Variants in CIITA observed in about 807,000 individuals in gnomAD.
CIITA encodes the protein MHC class II transactivator.
A neutral mutation model predicts 115.1 loss-of-function variants in CIITA; 72 were observed. That is an observed-to-expected ratio of 0.63 (90% CI 0.52 to 0.76). The LOEUF is 0.76. Ranked by LOEUF, CIITA falls within the 30% of genes least tolerant of loss-of-function variation. CIITA has a pLI of 0.00. For missense variants in CIITA, 1,617 were observed against 1,463.8 expected (o/e 1.10, Z -1.71); for synonymous variants, 763 against 635.6 (o/e 1.20, Z -3.02).
chr16:10,915,507 C>G (rs773020219), intron 13 of CIITA, 63 bp from the exon 14 acceptor site: 4 of 1,331,148 alleles, frequency 3.0e-6, no homozygotes, highest in Non-Finnish European at 4.3e-6. Flanking sequence ...CTGCCCCACC[C>G]TGGGGCTGAA....
chr16:10,915,794 A>G (rs2039911416), intron 14 of CIITA, 144 bp downstream of exon 14: 5 of 773,244 alleles, frequency 6.5e-6, no homozygotes, highest in East Asian at 5.3e-5. Context: ...TGCATGCTAC[A>G]GTGCCCAGCA....
At chr16:10,880,557 C>T (rs540005799) in intron 1 of CIITA, among the ~76,000 whole-genome samples, 2 of 152,304 alleles carry the variant, frequency 1.3e-5, no homozygotes, top group African/African-American at 4.8e-5. Flanking sequence ...GAGAGCCCAG[C>T]CCAGTGCAGC....
chr16:10,882,618 C>T (rs759240696), intron 1 of CIITA, among the ~76,000 whole-genome samples: 15 of 151,968 alleles, frequency 9.9e-5, no homozygotes, highest in Non-Finnish European at 1.5e-4. Flanking sequence ...AGATTCCAGG[C>T]CGGGCATGGT....
At chr16:10,938,408 G>A (rs1265614233), downstream of CIITA, 1 of 151,734 alleles carries the variant, frequency 6.6e-6, no homozygotes, top group African/African-American at 2.4e-5. The surrounding 1 kb of genome is among the most constrained non-coding windows in gnomAD (Gnocchi z 4.9). Flanking sequence ...AGGTGCACCT[G>A]TTCATCTTGA....
intron 9 of CIITA, among the ~76,000 whole-genome samples, chr16:10,904,441 G>C (rs145449620): frequency 3.5e-4 from 54 of 152,142 alleles, no homozygotes; most frequent in Middle Eastern, 3.4e-3. Flanking sequence ...GGCTGGTCTC[G>C]AACTCCTGAT....
intron 16 of CIITA, among the ~76,000 whole-genome samples, chr16:10,919,489 C>A (rs1034841906): frequency 7.1e-6 from 1 of 141,166 alleles, no homozygotes; most frequent in Non-Finnish European, 1.6e-5. Flanking sequence ...GCGTGAGCCA[C>A]CATGCCCGGC....
chr16:10,902,263 G>A (rs1196663871), intron 7 of CIITA, 79 bp downstream of exon 7: 1 of 1,574,886 alleles, frequency 6.3e-7, no homozygotes, highest in Non-Finnish European at 8.7e-7. Flanking sequence ...GGCAGGGACT[G>A]TCAGGAACTG....
At chr16:10,875,023 CA>C (rs1325440568), upstream of CIITA, among the ~76,000 whole-genome samples, 1,105 of 152,112 alleles carry the variant, frequency 7.3e-3, 13 homozygotes, top group African/African-American at 0.026. Context: ...CGCTTGAGTG[CA>C]GTGGCACTAT....
intron 1 of CIITA, among the ~76,000 whole-genome samples, chr16:10,866,910 A>G (rs2143135651): frequency 6.6e-6 from 1 of 152,286 alleles, no homozygotes; most frequent in Admixed American, 6.5e-5. Context: ...TCTGCTGTCT[A>G]GTGGGGAAGA....
intron 1 of CIITA, among the ~76,000 whole-genome samples, chr16:10,886,670 G>T (rs887134701): frequency 6.6e-6 from 1 of 152,186 alleles, no homozygotes; most frequent in African/African-American, 2.4e-5. Flanking sequence ...GTGTCACTTT[G>T]CTGTTTTATT....
intron 1 of CIITA, among the ~76,000 whole-genome samples, chr16:10,870,679 A>C (rs2035423075): frequency 2.0e-5 from 3 of 152,260 alleles, no homozygotes. Context: ...GACCTTGGCC[A>C]CATGACTAGA....
At chr16:10,895,893 C>T (rs575100101) in intron 3 of CIITA, 129 bp downstream of exon 3, 32 of 915,850 alleles carry the variant, frequency 3.5e-5, no homozygotes, top group African/African-American at 2.6e-4. Context: ...AAGGGGGATG[C>T]GGAGCAATGG....
chr16:10,895,797 T>A, intron 3 of CIITA, 33 bp downstream of exon 3: 1 of 1,606,014 alleles, frequency 6.2e-7, no homozygotes, highest in Non-Finnish European at 8.5e-7. Context: ...AAAAGGACAA[T>A]CAAGGGCAAG....
At chr16:10,895,882 C>G in intron 3 of CIITA, 118 bp downstream of exon 3, 1 of 996,902 alleles carries the variant, frequency 1.0e-6, no homozygotes, top group South Asian at 1.4e-5. Context: ...GAAATCATTG[C>G]AAGGGGGATG....
At position 10,878,822 on chromosome 16, in the gene CIITA, C is replaced by A. The variant is rs552559813; in HGVS notation, c.52+1440C>A. On this transcript the variant is annotated intron_variant, in intron 1 of 19. Coordinates refer to ENST00000324288, the MANE Select transcript of CIITA (RefSeq NM_000246.4). ...TTGGATGCCCCAGGCAGTTGGGATG[C>A]CACTTCTGATAAAGCACGTGGTGGC... 91 of 230,866 alleles carry A rather than the reference C, an allele frequency of 3.9e-4. No individual in the cohort carries two copies. In the Middle Eastern group the frequency reaches 9.0e-3, roughly 23 times the overall value. The allele number at this position is 230,866 out of a possible 1,614,324, so 14.3% of individuals were successfully genotyped here. A position where few individuals can be genotyped will look rare whatever the true frequency, so the allele number is the denominator to read the frequency against.
chr16:10,895,801 G>C (rs2038069371), intron 3 of CIITA, 37 bp downstream of exon 3: 3 of 1,599,042 alleles, frequency 1.9e-6, no homozygotes, highest in Non-Finnish European at 2.6e-6. Context: ...GGACAATCAA[G>C]GGCAAGAGTT....
At chr16:10,939,991 G>A (rs2041079295), downstream of CIITA, 1 of 152,392 alleles carries the variant, frequency 6.6e-6, no homozygotes, top group African/African-American at 2.4e-5. The surrounding 1 kb of genome is among the most constrained non-coding windows in gnomAD (Gnocchi z 4.9). Flanking sequence ...GCAGGCTGGG[G>A]AGGTGTGCAG....
rs535145489 is a variant in CIITA at position 10,927,789 on chromosome 16, T to G, written c.*3934T>G. 2 of 152,322 alleles carry G rather than the reference T, an allele frequency of 1.3e-5. No individual in the cohort carries two copies. Among genetic ancestry groups the G allele is most frequent in the East Asian group, 3.9e-4 (2 of 5,186 alleles). 9.4% of individuals were successfully genotyped at this position (152,322 alleles called of 1,614,324 possible). A position where few individuals can be genotyped will look rare whatever the true frequency, so the allele number is the denominator to read the frequency against. On this transcript the variant is annotated 3_prime_UTR_variant, in exon 20 of 20. Transcript: ENST00000324288. Reference sequence around the variant, plus strand: ...ATCTAAGTGATACTTATAGTCACACTCCTATAAAGGAATGGACTTCTGACT... The same window carrying G: ...ATCTAAGTGATACTTATAGTCACACGCCTATAAAGGAATGGACTTCTGACT...
At position 10,901,942 on chromosome 16, in the gene CIITA, C is replaced by A; in HGVS notation, c.482-96C>A. 1 of 1,510,026 alleles carries A rather than the reference C, an allele frequency of 6.6e-7. No homozygotes were observed. Among genetic ancestry groups the A allele is most frequent in the Non-Finnish European group, 9.1e-7 (1 of 1,094,738 alleles). The allele number at this position is 1,510,026 out of a possible 1,614,324, so 93.5% of individuals were successfully genotyped here. The stretch of plus-strand genomic sequence containing the variant: ...GCTGAGAAGATGACAAGCATTTCCT[C>A]TGTCAGGAGAGACATCCATGCCACT... On this transcript the variant is annotated intron_variant, in intron 6 of 19. Coordinates refer to ENST00000324288, the MANE Select transcript of CIITA (RefSeq NM_000246.4). The surrounding 1 kb of genome is among the most constrained non-coding windows in gnomAD (Gnocchi z 6.8).
Sources: allele counts gnomAD v4.1 joint callset (sites outside exome capture counted in the v4.1 genomes callset), GRCh38; gene constraint gnomAD v4.1.1; non-coding constraint Gnocchi (gnomAD v3.1); transcripts MANE v1.5; gene names NCBI Gene and HGNC (gene_info 2026-07-23, HGNC 2026-07-21).